FRMD6: variants seen among roughly 807,000 people sequenced by gnomAD.
FRMD6 encodes the protein FERM domain-containing protein 6.
In FRMD6, 37 loss-of-function variants were observed where a neutral mutation model predicts 73.2. The ratio of observed to expected loss-of-function variants is 0.51; its 90% confidence interval spans 0.39 to 0.66. The LOEUF (loss-of-function observed/expected upper bound fraction) is 0.66, where lower values mean the gene tolerates loss of function less well. Ranked by LOEUF, FRMD6 falls within the 30% of genes least tolerant of loss-of-function variation. The probability of loss-of-function intolerance (pLI) is 0.00; values close to 1 mark genes in which losing one functional copy is unlikely to be tolerated. For synonymous variants in FRMD6, 273 were observed against 282.2 expected (o/e 0.97, Z 0.33); for missense variants, 714 against 780.5 (o/e 0.91, Z 1.02).
At chr14:51,712,822 G>C (rs914802889) in intron 9 of FRMD6, among the ~76,000 whole-genome samples, 6 of 152,170 alleles carry the variant, frequency 3.9e-5, no homozygotes, top group Admixed American at 6.5e-5. Flanking sequence ...TTTAATTTAT[G>C]TTTGGTCCGT....
intron 2 of FRMD6, among the ~76,000 whole-genome samples, chr14:51,608,887 A>G (rs1314550093): frequency 6.6e-6 from 1 of 152,196 alleles, no homozygotes; most frequent in Non-Finnish European, 1.5e-5. Context: ...AGTGGCTACC[A>G]CAATGCAGGG....
chr14:51,607,272 G>A (rs1890299199), intron 2 of FRMD6, among the ~76,000 whole-genome samples: 1 of 152,172 alleles, frequency 6.6e-6, no homozygotes, highest in Admixed American at 6.5e-5. Context: ...ATCCATGTAT[G>A]TGCAGGATCA....
chr14:51,720,476 C>A, intron 11 of FRMD6, 86 bp downstream of exon 11: 1 of 1,176,748 alleles, frequency 8.5e-7, no homozygotes, highest in Non-Finnish European at 1.2e-6. Flanking sequence ...GTCTGGAGAG[C>A]AACTTTAGGC....
At chr14:51,537,313 G>A (rs531504655) in intron 1 of FRMD6, among the ~76,000 whole-genome samples, 38 of 152,128 alleles carry the variant, frequency 2.5e-4, no homozygotes, top group Non-Finnish European at 2.6e-4. Flanking sequence ...AGTTTCCTCC[G>A]TGTCTTTTCA....
rs373953306 is a variant in FRMD6, at chr14:51,545,726, A to G, written c.-209-24622A>G. 2.0e-4 allele frequency among the ~76,000 whole-genome samples: 31 copies of G among 152,234 alleles called. No homozygotes were observed. In the Middle Eastern group the frequency reaches 0.01, roughly 50 times the overall value. On this transcript the variant is annotated intron_variant, in intron 1 of 14. Transcript: ENST00000356218. ...GTAAATGCTAGCTACCATTATTGTTATTATTATTTGCCATTGAAAATAAAT... is the reference window on the plus strand; with the variant it reads ...GTAAATGCTAGCTACCATTATTGTTGTTATTATTTGCCATTGAAAATAAAT...
chr14:51,678,245 G>T (rs941046490), intron 1 of FRMD6, among the ~76,000 whole-genome samples: 5 of 152,114 alleles, frequency 3.3e-5, no homozygotes, highest in African/African-American at 1.2e-4. Context: ...GTCAGACCCA[G>T]GCAGTTTGGC....
chr14:51,660,050 G>A (rs1893105406), intron 1 of FRMD6, among the ~76,000 whole-genome samples: 1 of 152,176 alleles, frequency 6.6e-6, no homozygotes, highest in Non-Finnish European at 1.5e-5. Flanking sequence ...TGATCTGTTT[G>A]TTAAAGGGCG....
intron 1 of FRMD6, among the ~76,000 whole-genome samples, chr14:51,669,010 A>G (rs1276928528): frequency 6.6e-6 from 1 of 152,244 alleles, no homozygotes; most frequent in Non-Finnish European, 1.5e-5. Flanking sequence ...CAATAATAAA[A>G]TAAACAAATT....
chr14:51,450,510 G>T, the FRMD6 span, among the ~76,000 whole-genome samples: 2 of 152,170 alleles, frequency 1.3e-5, no homozygotes, highest in Non-Finnish European at 2.9e-5. Flanking sequence ...TCTGCCAGCA[G>T]TTCCCCACCA....
Position 51,725,690 on chromosome 14 carries a change from C to T in FRMD6, c.1493-89C>T, listed in dbSNP as rs28651692. 599 of 1,012,476 alleles carry T rather than the reference C, an allele frequency of 5.9e-4. 3 individuals carry two copies. The African/African-American group carries it at 9.0e-3, about 15-fold the overall frequency. 62.7% of individuals were successfully genotyped at this position (1,012,476 alleles called of 1,614,324 possible). A position where few individuals can be genotyped will look rare whatever the true frequency, so the allele number is the denominator to read the frequency against. ...TGGTAATGGTTAATATTTGATTTTT[C>T]ATTCCTGATAGCAATATGTCAGAAT... On this transcript the variant is annotated intron_variant, in intron 12 of 13. Transcript: ENST00000344768.
intron 1 of FRMD6, among the ~76,000 whole-genome samples, chr14:51,683,149 ACTT>A (rs1176038750): frequency 6.6e-6 from 1 of 152,214 alleles, no homozygotes; most frequent in Non-Finnish European, 1.5e-5. Flanking sequence ...CCAAAAGTAG[ACTT>A]CTTAAAGTTT....
chr14:51,698,658 A>G (rs1896099246), intron 3 of FRMD6, among the ~76,000 whole-genome samples: 1 of 152,102 alleles, frequency 6.6e-6, no homozygotes, highest in Non-Finnish European at 1.5e-5. Context: ...ACTATATAGT[A>G]TCACAAAGTA....
intron 1 of FRMD6, among the ~76,000 whole-genome samples, chr14:51,674,283 C>G (rs1360769717): frequency 6.6e-6 from 1 of 152,184 alleles, no homozygotes; most frequent in Non-Finnish European, 1.5e-5. Context: ...ATAGGCACTC[C>G]TCTCGATGAG....
intron 2 of FRMD6, chr14:51,643,413 T>C (rs1156964274): frequency 1.3e-5 from 2 of 152,190 alleles, no homozygotes; most frequent in Non-Finnish European, 2.9e-5. Flanking sequence ...GTTGTCTTGG[T>C]GATGTGACTA....
At chr14:51,410,558 C>T in the FRMD6 span, among the ~76,000 whole-genome samples, 1 of 152,112 alleles carries the variant, frequency 6.6e-6, no homozygotes, top group Admixed American at 6.5e-5. Context: ...CTACCTGTCC[C>T]TTAATAAAAA....
chr14:51,403,729 T>A, the FRMD6 span, among the ~76,000 whole-genome samples: 1 of 152,244 alleles, frequency 6.6e-6, no homozygotes. Flanking sequence ...CAATATTATG[T>A]ATTAAGTTTC....
chr14:51,618,051 A>G (rs1025996991), intron 2 of FRMD6, among the ~76,000 whole-genome samples: 26 of 152,184 alleles, frequency 1.7e-4, no homozygotes. Flanking sequence ...TAGGCATTAT[A>G]TATATGGAAT....
chr14:51,668,093 T>A (rs1258767578), intron 1 of FRMD6, among the ~76,000 whole-genome samples: 8 of 152,306 alleles, frequency 5.3e-5, no homozygotes, highest in South Asian at 4.1e-4. Context: ...ATGAGTAAAT[T>A]TTCAGGAAAT....
At chr14:51,525,377 C>G (rs1201181026) in intron 1 of FRMD6, among the ~76,000 whole-genome samples, 1 of 151,874 alleles carries the variant, frequency 6.6e-6, no homozygotes, top group Admixed American at 6.6e-5. Context: ...CAAGCGATTC[C>G]CCTGCCTAAG....
Sources: gnomAD v4.1 joint callset for allele counts (sites outside exome capture counted in the v4.1 genomes callset) on GRCh38, gnomAD v4.1.1 for gene constraint, MANE v1.5 for transcripts, NCBI Gene and HGNC (gene_info 2026-07-23, HGNC 2026-07-21) for gene names.